The following COL5A2 variants were observed in gnomAD, a reference collection of about 807,000 sequenced individuals.
The protein encoded by COL5A2 is collagen type V alpha 2 chain.
Under a neutral mutation model 208.2 loss-of-function variants are expected in COL5A2, and 23 were observed. The observed-to-expected ratio is 0.11, with a 90% CI of 0.08 to 0.16. The LOEUF (loss-of-function observed/expected upper bound fraction) is 0.16, where lower values mean the gene tolerates loss of function less well. Among genes scored for constraint, COL5A2 ranks in the 10% least tolerant of loss-of-function variants. The probability of loss-of-function intolerance (pLI) is 1.00; values close to 1 mark genes in which losing one functional copy is unlikely to be tolerated. For synonymous variants in COL5A2, 625 were observed against 628.5 expected (o/e 0.99, Z 0.08); for missense variants, 1,590 against 1,956.4 (o/e 0.81, Z 3.53).
At chr2:189,123,492 C>A (rs1458322643) in intron 1 of COL5A2, among the ~76,000 whole-genome samples, 1 of 151,888 alleles carries the variant, frequency 6.6e-6, no homozygotes, top group African/African-American at 2.4e-5. Flanking sequence ...TGACTGGTGT[C>A]CTTATAAGGA....
the COL5A2 span, among the ~76,000 whole-genome samples, chr2:189,377,445 T>C: frequency 1.3e-5 from 2 of 152,166 alleles, no homozygotes; most frequent in Non-Finnish European, 2.9e-5. Flanking sequence ...AGATACATGG[T>C]CCTCAAAGAC....
chr2:189,111,246 G>GTA, intron 1 of COL5A2, among the ~76,000 whole-genome samples: 1 of 152,080 alleles, frequency 6.6e-6, no homozygotes, highest in African/African-American at 2.4e-5. Context: ...GTGTGTGTGT[G>GTA]TACACATATT....
the COL5A2 span, among the ~76,000 whole-genome samples, chr2:189,360,595 A>G: frequency 2.6e-5 from 4 of 152,254 alleles, no homozygotes; most frequent in Non-Finnish European, 5.9e-5. Flanking sequence ...CAGAAAAAAT[A>G]CTGGATGTTA....
At position 189,075,412 on chromosome 2, in the gene COL5A2, G is replaced by C. The variant is rs1215591601; in HGVS notation, c.1085C>G (p.Pro362Arg). Residue 362 changes from proline (P) to arginine (R), a missense_variant, in exon 17 of 54, where the codon CCT becomes CGT. Coordinates refer to ENST00000374866, the MANE Select transcript of COL5A2 (RefSeq NM_000393.5). ...APGQRGAHGM[P>R]GKPGPMGPLG... ...ACTCACCATTGGTCCAGGTTTTCCA[G>C]GCATACCATGTGCACCTCGTTGTCC... 1 of 1,606,436 alleles carries C rather than the reference G, an allele frequency of 6.2e-7. No individual in the cohort carries two copies. Among genetic ancestry groups the C allele is most frequent in the African/African-American group, 1.3e-5 (1 of 74,838 alleles).
the COL5A2 span, among the ~76,000 whole-genome samples, chr2:189,336,827 A>T: frequency 3.3e-5 from 5 of 152,152 alleles, no homozygotes; most frequent in Non-Finnish European, 5.9e-5. Flanking sequence ...TAAACTTAAG[A>T]CCTTTCACAT....
chr2:189,394,282 C>A, the COL5A2 span, among the ~76,000 whole-genome samples: 1 of 151,684 alleles, frequency 6.6e-6, no homozygotes, highest in African/African-American at 2.4e-5. Context: ...ATTCTTCATA[C>A]AAAGCCTTTT....
At chr2:189,421,586 G>A in the COL5A2 span, among the ~76,000 whole-genome samples, 7 of 151,862 alleles carry the variant, frequency 4.6e-5, no homozygotes, top group South Asian at 1.2e-3. Context: ...CTAACACAGG[G>A]ACCACCACAG....
At chr2:189,116,618 TG>T (rs1478055547) in intron 1 of COL5A2, among the ~76,000 whole-genome samples, 4 of 152,282 alleles carry the variant, frequency 2.6e-5, no homozygotes, top group African/African-American at 9.6e-5. Context: ...GGTAGGCCTA[TG>T]GGGTTTTACA....
chr2:189,291,239 G>T, the COL5A2 span, among the ~76,000 whole-genome samples: 1 of 152,184 alleles, frequency 6.6e-6, no homozygotes, highest in African/African-American at 2.4e-5. Context: ...TTAAATAGAT[G>T]CAAGTATCCT....
chr2:189,436,422 G>C, the COL5A2 span, among the ~76,000 whole-genome samples: 1 of 152,058 alleles, frequency 6.6e-6, no homozygotes, highest in Admixed American at 6.6e-5. Context: ...TATACCTAAT[G>C]TAAATGACGA....
chr2:189,193,054 C>T (rs550176373), intron 1 of COL5A2, among the ~76,000 whole-genome samples: 1 of 152,244 alleles, frequency 6.6e-6, no homozygotes, highest in Non-Finnish European at 1.5e-5. Flanking sequence ...TGGGATGACA[C>T]AGCAAGAAGG....
At chr2:189,435,706 G>T in the COL5A2 span, among the ~76,000 whole-genome samples, 1 of 152,190 alleles carries the variant, frequency 6.6e-6, no homozygotes, top group African/African-American at 2.4e-5. Flanking sequence ...TGGAGAAGTA[G>T]GAACACTTTT....
the COL5A2 span, among the ~76,000 whole-genome samples, chr2:189,276,542 C>T: frequency 3.0e-4 from 46 of 152,248 alleles, no homozygotes; most frequent in African/African-American, 1.1e-3. Context: ...CAAGTACATG[C>T]TGACCATATT....
intron 38 of COL5A2, 82 bp downstream of exon 38, chr2:189,053,342 C>G: frequency 7.7e-7 from 1 of 1,296,394 alleles, no homozygotes. Flanking sequence ...AATACGACTT[C>G]AAAACATATG....
chr2:189,203,897 CT>C (rs980659605), intron 1 of COL5A2, among the ~76,000 whole-genome samples: 180 of 144,832 alleles, frequency 1.2e-3, no homozygotes, highest in East Asian at 2.6e-3. Flanking sequence ...TCTTTTTTGT[CT>C]TTTTTTTTTT....
At chr2:189,329,103 GA>G in the COL5A2 span, among the ~76,000 whole-genome samples, 1 of 152,166 alleles carries the variant, frequency 6.6e-6, no homozygotes, top group East Asian at 1.9e-4. Context: ...AGTGAGTAAA[GA>G]AAATGTGGGA....
the COL5A2 span, among the ~76,000 whole-genome samples, chr2:189,385,813 A>G: frequency 6.6e-6 from 1 of 152,194 alleles, no homozygotes; most frequent in East Asian, 1.9e-4. Flanking sequence ...AAACTCAGAA[A>G]TAAAGCTGCA....
upstream of COL5A2, among the ~76,000 whole-genome samples, chr2:189,181,348 C>G (rs1688776734): frequency 6.6e-6 from 1 of 152,128 alleles, no homozygotes; most frequent in African/African-American, 2.4e-5. Flanking sequence ...CTGTCACCAC[C>G]ACACTGTTCT....
chr2:189,304,102 GT>G, the COL5A2 span, among the ~76,000 whole-genome samples: 8 of 152,120 alleles, frequency 5.3e-5, no homozygotes, highest in African/African-American at 1.9e-4. Context: ...ATAACTATGA[GT>G]TTTTTTCCCA....
Sources: allele counts gnomAD v4.1 joint callset (sites outside exome capture counted in the v4.1 genomes callset), GRCh38; gene constraint gnomAD v4.1.1; transcripts MANE v1.5; gene names NCBI Gene and HGNC (gene_info 2026-07-23, HGNC 2026-07-21).